Variants in WWOX observed in about 807,000 individuals in gnomAD.
The protein encoded by WWOX is WW domain containing oxidoreductase, also known as WW domain-containing oxidoreductase.
WWOX carries 69 observed loss-of-function variants against 46.2 expected under a neutral mutation model. The observed-to-expected ratio is 1.49, with a 90% CI of 1.23 to 1.82. The LOEUF is 1.82. WWOX is among the 40% of genes most tolerant of loss of function. The pLI is 0.00. For synonymous variants in WWOX, 359 were observed against 202.6 expected (o/e 1.77, Z -6.56); for missense variants, 919 against 542.6 (o/e 1.69, Z -6.89).
chr16:78,208,466 A>C (rs2036462508), intron 5 of WWOX, among the ~76,000 whole-genome samples: 1 of 152,242 alleles, frequency 6.6e-6, no homozygotes. Context: ...AAATCAAATT[A>C]AATCTCATAA....
chr16:78,822,270 G>A (rs2051519702), intron 8 of WWOX, among the ~76,000 whole-genome samples: 1 of 152,012 alleles, frequency 6.6e-6, no homozygotes, highest in African/African-American at 2.4e-5. Context: ...AAGGTGGGTG[G>A]GTCATCTGAG....
At chr16:78,130,950 C>T (rs1320919585) in intron 4 of WWOX, among the ~76,000 whole-genome samples, 1 of 152,178 alleles carries the variant, frequency 6.6e-6, no homozygotes, top group Non-Finnish European at 1.5e-5. Context: ...TGGTATAACC[C>T]ATTATACACA....
At chr16:79,146,762 A>C (rs753745257) in intron 8 of WWOX, among the ~76,000 whole-genome samples, 2 of 152,142 alleles carry the variant, frequency 1.3e-5, no homozygotes, top group Non-Finnish European at 2.9e-5. Context: ...AGGAGCTTAC[A>C]TTCTAGGAAG....
At chr16:79,117,501 A>G (rs527754663) in intron 8 of WWOX, among the ~76,000 whole-genome samples, 1 of 152,342 alleles carries the variant, frequency 6.6e-6, no homozygotes, top group East Asian at 1.9e-4. Flanking sequence ...ATGGTAAATG[A>G]GCTTGGCTTC....
At chr16:79,034,263 A>G (rs1567503304) in intron 8 of WWOX, among the ~76,000 whole-genome samples, 1 of 152,242 alleles carries the variant, frequency 6.6e-6, no homozygotes, top group Non-Finnish European at 1.5e-5. Flanking sequence ...CTGTCTCAGA[A>G]AAAGGCACTC....
chr16:78,495,440 C>T (rs1002358856), intron 8 of WWOX, among the ~76,000 whole-genome samples: 92 of 143,434 alleles, frequency 6.4e-4, no homozygotes, highest in African/African-American at 2.2e-3. Flanking sequence ...TGCACCTGGC[C>T]AGTAGTAGAC....
At chr16:78,108,921 G>T (rs1002076806) in intron 2 of WWOX, among the ~76,000 whole-genome samples, 1 of 152,192 alleles carries the variant, frequency 6.6e-6, no homozygotes, top group Non-Finnish European at 1.5e-5. Flanking sequence ...CCAGGAGCTG[G>T]AGGTTGCAGT....
intron 8 of WWOX, among the ~76,000 whole-genome samples, chr16:79,069,494 C>A (rs1299097213): frequency 2.0e-5 from 3 of 151,486 alleles, no homozygotes; most frequent in Admixed American, 6.6e-5. Context: ...AACTAAGAAC[C>A]GACTTATTTA....
intron 8 of WWOX, among the ~76,000 whole-genome samples, chr16:78,501,473 G>C (rs2245201): frequency 0.15 from 22,035 of 151,448 alleles, 1,690 homozygotes; most frequent in Non-Finnish European, 0.17. Context: ...CTTTTTGCTG[G>C]CTCTCTTTCA....
At chr16:78,998,258 T>C (rs987603295) in intron 8 of WWOX, among the ~76,000 whole-genome samples, 2 of 152,194 alleles carry the variant, frequency 1.3e-5, no homozygotes, top group African/African-American at 2.4e-5. Flanking sequence ...CAGGACATGT[T>C]GGACTGCACA....
intron 8 of WWOX, among the ~76,000 whole-genome samples, chr16:78,656,664 ATTGCAGT>A (rs1876030953): frequency 6.6e-6 from 1 of 152,042 alleles, no homozygotes; most frequent in Admixed American, 6.5e-5. Flanking sequence ...AACATTGGGG[ATTGCAGT>A]TTGATGTGAA....
chr16:78,480,986 C>G lies in WWOX; in HGVS notation c.1056+48234C>G, dbSNP rs73576845. Among the ~76,000 whole-genome samples the G allele has an allele frequency of 3.0e-3, 463 of 152,304 alleles. 3 individuals are homozygous for G. Among genetic ancestry groups the G allele is most frequent in the African/African-American group, 0.011 (438 of 41,580 alleles). ...GAAAAGAGCAGGATTGGTACTTCAC[C>G]TACTCCTAATAAAAGCCCTTCATCT... is the stretch of plus-strand genomic sequence containing the variant. On this transcript the variant is annotated intron_variant, in intron 8 of 8. Coordinates refer to ENST00000566780, the MANE Select transcript of WWOX (RefSeq NM_016373.4).
intron 8 of WWOX, among the ~76,000 whole-genome samples, chr16:79,137,897 G>A (rs2050014067): frequency 1.3e-5 from 2 of 152,056 alleles, no homozygotes; most frequent in Non-Finnish European, 2.9e-5. Flanking sequence ...GGGGGTGGGG[G>A]ACTCCAGAAG....
intron 8 of WWOX, among the ~76,000 whole-genome samples, chr16:79,022,796 C>G (rs987435267): frequency 1.3e-5 from 2 of 152,140 alleles, no homozygotes; most frequent in African/African-American, 4.8e-5. Context: ...TCAGAAGCAC[C>G]CAGGGATGAT....
At chr16:78,229,216 A>G (rs1463359019) in intron 5 of WWOX, among the ~76,000 whole-genome samples, 2 of 151,376 alleles carry the variant, frequency 1.3e-5, no homozygotes, top group East Asian at 1.9e-4. Flanking sequence ...ACTCAGAAGG[A>G]CTTTATAAAT....
intron 8 of WWOX, among the ~76,000 whole-genome samples, chr16:78,706,024 A>C (rs958457805): frequency 1.4e-5 from 2 of 147,760 alleles, no homozygotes; most frequent in African/African-American, 5.0e-5. Flanking sequence ...CATTCTAATG[A>C]CACATACTTT....
At chr16:78,935,356 G>T (rs142094089) in intron 8 of WWOX, among the ~76,000 whole-genome samples, 4 of 152,184 alleles carry the variant, frequency 2.6e-5, no homozygotes, top group Admixed American at 2.6e-4. Flanking sequence ...AACCAACTCA[G>T]ATGTTCATCA....
chr16:78,646,375 C>T (rs1189412215), intron 8 of WWOX, among the ~76,000 whole-genome samples: 1 of 152,128 alleles, frequency 6.6e-6, no homozygotes, highest in African/African-American at 2.4e-5. Context: ...GTCCCTCCAT[C>T]CTCCATCTTA....
intron 8 of WWOX, among the ~76,000 whole-genome samples, chr16:78,488,820 T>G (rs1335489638): frequency 1.3e-5 from 2 of 152,160 alleles, no homozygotes; most frequent in African/African-American, 4.8e-5. Context: ...TTATGGCAGA[T>G]CAGTGGGACG....
Sources: allele counts gnomAD v4.1 joint callset (sites outside exome capture counted in the v4.1 genomes callset), GRCh38; gene constraint gnomAD v4.1.1; transcripts MANE v1.5; gene names NCBI Gene and HGNC (gene_info 2026-07-23, HGNC 2026-07-21).